Variants in NDUFA13 observed in about 807,000 individuals in gnomAD.
NDUFA13 encodes NADH dehydrogenase [ubiquinone] 1 alpha subcomplex subunit 13.
A neutral mutation model predicts 17.0 loss-of-function variants in NDUFA13; 16 were observed. The ratio of observed to expected loss-of-function variants is 0.94; its 90% confidence interval spans 0.64 to 1.43. NDUFA13 has a LOEUF of 1.43. NDUFA13 is among the 40% of genes most tolerant of loss of function. The pLI, the probability that NDUFA13 is intolerant of heterozygous loss-of-function variation, is 0.00. For synonymous variants in NDUFA13, 87 were observed against 78.4 expected, an observed-to-expected ratio of 1.11 and a Z score of -0.58; for missense variants, 228 against 206.7, an observed-to-expected ratio of 1.10 and a Z score of -0.63.
chr19:19,523,131 C>A (rs1371678725), intron 1 of NDUFA13, among the ~76,000 whole-genome samples: 1 of 152,208 alleles, frequency 6.6e-6, no homozygotes, highest in Non-Finnish European at 1.5e-5. Context: ...TATGAATTTC[C>A]CAACCTGCTT....
chr19:19,526,980 C>A (rs375060677), intron 2 of NDUFA13, among the ~76,000 whole-genome samples: 1 of 152,162 alleles, frequency 6.6e-6, no homozygotes, highest in Non-Finnish European at 1.5e-5. Context: ...CTCTTCGTCG[C>A]GATCATCAGG....
intron 1 of NDUFA13, among the ~76,000 whole-genome samples, chr19:19,524,865 CAAGA>C (rs1394054029): frequency 1.3e-4 from 19 of 151,900 alleles, no homozygotes; most frequent in African/African-American, 4.3e-4. Context: ...GGCAATATAG[CAAGA>C]CCCCATCTGT....
chr19:19,517,181 G>A (rs2061053566), intron 1 of NDUFA13, among the ~76,000 whole-genome samples: 1 of 152,048 alleles, frequency 6.6e-6, no homozygotes, highest in South Asian at 2.1e-4. Context: ...CCCATACTCA[G>A]TCCCCAGGTT....
At chr19:19,520,170 G>A (rs1228495915) in intron 1 of NDUFA13, among the ~76,000 whole-genome samples, 2 of 151,838 alleles carry the variant, frequency 1.3e-5, no homozygotes, top group African/African-American at 2.4e-5. Flanking sequence ...AATCCATGCC[G>A]CTTCTGAAGT....
intron 1 of NDUFA13, among the ~76,000 whole-genome samples, chr19:19,521,084 G>A (rs886363610): frequency 1.3e-5 from 2 of 152,140 alleles, no homozygotes; most frequent in Non-Finnish European, 2.9e-5. Context: ...TGGTAACTTC[G>A]TGTTTAACAT....
chr19:19,527,347 C>G lies in NDUFA13; in HGVS notation c.240C>G (p.Asp80Glu), dbSNP rs768605898. Residue 80 changes from aspartate to glutamate, a missense_variant, in exon 3 of 5, where the codon GAC becomes GAG. Asp to Glu is a conservative substitution (Grantham distance 45). Transcript: ENST00000507754. ...TGCCACTGTTACAGGCAGAAACCGACCGGAGGTAGCACCGCAGGGGCCAAG... is the reference window on the plus strand; with the variant it reads ...TGCCACTGTTACAGGCAGAAACCGAGCGGAGGTAGCACCGCAGGGGCCAAG... ...ALLPLLQAET[D>E]RRTLQMLREN... is the part of the protein sequence containing the mutation. 1 of 1,613,808 alleles carries G rather than the reference C, an allele frequency of 6.2e-7. No individual in the cohort carries two copies. The highest frequency in any genetic ancestry group is 8.5e-7 in the Non-Finnish European group (1 of 1,180,006).
chr19:19,526,185 A>G lies in NDUFA13; in HGVS notation c.98A>G (p.Tyr33Cys), dbSNP rs769884525. ...TGAGCAGCGCCTCTCTTCACAGGCT[A>G]CAGCATGCTGGCCATAGGGATTGGA... ...RNLPRRGLSGYSMLAIGIGTL... is the reference protein window; with the variant it reads ...RNLPRRGLSGCSMLAIGIGTL... Residue 33 changes from tyrosine to cysteine, a missense_variant, in exon 2 of 5, where the codon TAC becomes TGC. Tyr to Cys is a radical substitution (Grantham distance 194, BLOSUM62 -2). Coordinates refer to ENST00000507754, the MANE Select transcript of NDUFA13 (RefSeq NM_015965.7). 19 of 1,613,938 alleles carry G rather than the reference A, an allele frequency of 1.2e-5. No homozygotes were observed. The highest frequency in any genetic ancestry group is 1.7e-5 in the Admixed American group (1 of 60,022).
chr19:19,518,649 T>G (rs2061061513), intron 1 of NDUFA13, among the ~76,000 whole-genome samples: 1 of 148,796 alleles, frequency 6.7e-6, no homozygotes, highest in South Asian at 2.2e-4. Flanking sequence ...CTGCAACCTG[T>G]GCCTCCCAGG....
Position 19,526,169 on chromosome 19 carries a change from CCT to C in NDUFA13, c.95-8_95-7del, listed in dbSNP as rs2061098713. ...GGGCGGGCTGGCCCGCTGAGCAGCG[CCT>C]CTCTTCACAGGCTACAGCATGCTGG... On this transcript the variant is annotated splice_polypyrimidine_tract_variant and intron_variant, in intron 1 of 4. Transcript: ENST00000507754. 2.5e-6 allele frequency: 4 copies of C among 1,613,304 alleles called. No homozygotes were observed. The highest frequency in any genetic ancestry group is 2.5e-6 in the Non-Finnish European group (3 of 1,179,858).
At chr19:19,526,779 C>T in intron 2 of NDUFA13, 1 of 282,980 alleles carries the variant, frequency 3.5e-6, no homozygotes, top group Non-Finnish European at 6.9e-6. Flanking sequence ...CCCCACCCCT[C>T]CCCCAACCCC....
chr19:19,525,958 C>T, intron 1 of NDUFA13: 1 of 1,363,746 alleles, frequency 7.3e-7, no homozygotes, highest in Non-Finnish European at 9.6e-7. Flanking sequence ...GGACCTGGGG[C>T]CCCCCTAGCA....
At chr19:19,519,494 C>G (rs113363022) in intron 1 of NDUFA13, among the ~76,000 whole-genome samples, 13 of 152,160 alleles carry the variant, frequency 8.5e-5, no homozygotes, top group African/African-American at 3.1e-4. Flanking sequence ...ACACACCCAC[C>G]CCAGCCTTTC....
rs1156541978 is a variant in NDUFA13 at position 19,516,553 on chromosome 19, A to G, written c.94+221A>G. On this transcript the variant is annotated intron_variant, in intron 1 of 4. Transcript: ENST00000507754. ...AACAGCCCAGGAAATCGGTCCCTCT[A>G]GTTATTTACGTTTTACAGTGGGTTA... 9.2e-5 allele frequency among the ~76,000 whole-genome samples: 14 copies of G among 152,212 alleles called. No individual in the cohort carries two copies. In the East Asian group the frequency reaches 2.7e-3, roughly 29 times the overall value.
intron 1 of NDUFA13, among the ~76,000 whole-genome samples, chr19:19,517,311 C>T (rs983101860): frequency 2.6e-5 from 4 of 151,922 alleles, no homozygotes; most frequent in African/African-American, 7.3e-5. Context: ...CAACCTCCGC[C>T]TCCTGGGCTC....
At chr19:19,527,209 T>G in intron 2 of NDUFA13, 72 bp from the exon 3 acceptor site, 2 of 1,109,512 alleles carry the variant, frequency 1.8e-6, no homozygotes, top group Non-Finnish European at 2.5e-6. Flanking sequence ...CCCTGGCCCC[T>G]GAGGTCTGTG....
chr19:19,527,660 G>C (rs1296662534), intron 3 of NDUFA13, 41 bp from the exon 4 acceptor site: 1 of 1,509,896 alleles, frequency 6.6e-7, no homozygotes, highest in African/African-American at 1.4e-5. Flanking sequence ...GCCCCTCAGG[G>C]CACTGAGGCC....
At chr19:19,527,202 T>G in intron 2 of NDUFA13, 79 bp from the exon 3 acceptor site, 1 of 778,686 alleles carries the variant, frequency 1.3e-6, no homozygotes, top group Non-Finnish European at 1.9e-6. Context: ...AGCAGCACCC[T>G]GGCCCCTGAG....
chr19:19,517,057 G>A (rs1316709852), intron 1 of NDUFA13, among the ~76,000 whole-genome samples: 5 of 152,112 alleles, frequency 3.3e-5, no homozygotes, highest in Admixed American at 6.6e-5. Flanking sequence ...AAAGTGCTGG[G>A]ATTACAGGCG....
intron 1 of NDUFA13, among the ~76,000 whole-genome samples, chr19:19,517,132 G>A (rs1359661882): frequency 6.6e-6 from 1 of 152,082 alleles, no homozygotes; most frequent in African/African-American, 2.4e-5. Flanking sequence ...TTGTTATCGG[G>A]CTCAGCACAG....
Sources: allele counts gnomAD v4.1 joint callset (sites outside exome capture counted in the v4.1 genomes callset), GRCh38; gene constraint gnomAD v4.1.1; transcripts MANE v1.5; gene names NCBI Gene and HGNC (gene_info 2026-07-23, HGNC 2026-07-21).